Variants in LRRC72 observed in about 807,000 individuals in gnomAD.
LRRC72 encodes the protein leucine-rich repeat-containing protein 72.
Under a neutral mutation model 35.8 loss-of-function variants are expected in LRRC72, and 41 were observed. The ratio of observed to expected loss-of-function variants is 1.15; its 90% CI spans 0.89 to 1.49. The LOEUF is 1.49. Ranked by LOEUF, LRRC72 falls within the 40% of genes most tolerant of loss-of-function variation. The pLI is 0.00. For missense variants in LRRC72, 389 were observed against 330.7 expected, an observed-to-expected ratio of 1.18 and a Z score of -1.37; for synonymous variants, 118 against 119.2, an observed-to-expected ratio of 0.99 and a Z score of 0.07.
intron 1 of LRRC72, among the ~76,000 whole-genome samples, chr7:16,531,183 A>ATC (rs1257764983): frequency 1.8e-4 from 27 of 151,050 alleles, no homozygotes; most frequent in African/African-American, 4.1e-4. Flanking sequence ...ACTCTCTCAA[A>ATC]AAAAAAAAAA....
At chr7:16,550,934 C>T (rs539476588) in intron 3 of LRRC72, among the ~76,000 whole-genome samples, 2 of 152,140 alleles carry the variant, frequency 1.3e-5, no homozygotes, top group African/African-American at 2.4e-5. Context: ...TTCAATTCCC[C>T]GGAGTTTATA....
chr7:16,567,424 C>A lies in LRRC72; in HGVS notation c.551C>A (p.Thr184Asn). The A allele has an allele frequency of 1.3e-6, 2 of 1,507,936 alleles. No homozygotes were observed. The highest frequency in any genetic ancestry group is 1.3e-5 in the South Asian group (1 of 76,536). 93.4% of individuals were successfully genotyped at this position (1,507,936 alleles called of 1,614,324 possible). The change falls in exon 7 of 9, where the codon ACC becomes AAC. Residue 184 changes from threonine (T) to asparagine (N), a missense_variant. Transcript: ENST00000401542. ...VTEKERRSMI[T>N]IFNHKKAHIV... ...GAAAAAGAAAGAAGATCAATGATTACCATTTTTAACCATAAAAAGGCTCAT... is the reference window on the plus strand; with the variant it reads ...GAAAAAGAAAGAAGATCAATGATTAACATTTTTAACCATAAAAAGGCTCAT...
intron 3 of LRRC72, among the ~76,000 whole-genome samples, chr7:16,547,253 C>T (rs991375566): frequency 1.3e-5 from 2 of 152,172 alleles, no homozygotes; most frequent in African/African-American, 4.8e-5. Context: ...GGAGCTGCTG[C>T]AATGGGGCCA....
At chr7:16,580,220 T>C (rs146880533) in intron 8 of LRRC72, 119 bp downstream of exon 8, 6 of 187,234 alleles carry the variant, frequency 3.2e-5, no homozygotes, top group Middle Eastern at 5.3e-3. Context: ...CACTCTTCAA[T>C]AGATGAGAAA....
chr7:16,549,942 G>C (rs1445733614), intron 3 of LRRC72, among the ~76,000 whole-genome samples: 1 of 152,234 alleles, frequency 6.6e-6, no homozygotes, highest in Non-Finnish European at 1.5e-5. Flanking sequence ...GATGTTTTCA[G>C]GTGAGGTGGC....
chr7:16,560,781 G>A (rs1251880973), intron 5 of LRRC72, among the ~76,000 whole-genome samples: 1 of 151,530 alleles, frequency 6.6e-6, no homozygotes, highest in African/African-American at 2.4e-5. Context: ...TTGTTTTATT[G>A]TGGATTATGT....
At chr7:16,541,570 G>A (rs915015602) in intron 3 of LRRC72, among the ~76,000 whole-genome samples, 1 of 152,132 alleles carries the variant, frequency 6.6e-6, no homozygotes, top group African/African-American at 2.4e-5. Context: ...AGCTGGAATG[G>A]AAAGTGCACA....
chr7:16,562,553 G>C (rs1782761171), intron 5 of LRRC72, among the ~76,000 whole-genome samples: 1 of 152,194 alleles, frequency 6.6e-6, no homozygotes, highest in South Asian at 2.1e-4. Flanking sequence ...TCAGCCTTGG[G>C]AACAGGGAGT....
chr7:16,532,420 T>C, intron 1 of LRRC72, 75 bp from the exon 2 acceptor site: 1 of 976,084 alleles, frequency 1.0e-6, no homozygotes, highest in South Asian at 1.4e-5. Flanking sequence ...GTAGACGTTA[T>C]TGTTACTGAC....
chr7:16,565,048 C>G (rs1782805259), intron 5 of LRRC72, among the ~76,000 whole-genome samples: 1 of 152,136 alleles, frequency 6.6e-6, no homozygotes, highest in African/African-American at 2.4e-5. Context: ...TGTGCGGTAG[C>G]TGGAGCTCTT....
intron 3 of LRRC72, among the ~76,000 whole-genome samples, chr7:16,554,507 C>G (rs1383359949): frequency 6.6e-6 from 1 of 152,202 alleles, no homozygotes. Flanking sequence ...AACCTTTACT[C>G]TACTTTGGGC....
At chr7:16,532,964 A>G in intron 2 of LRRC72, 1 of 238,286 alleles carries the variant, frequency 4.2e-6, no homozygotes, top group Non-Finnish European at 8.4e-6. Flanking sequence ...TGGAAAATTC[A>G]CTGTTTCCGT....
rs143725217 is a variant in LRRC72 at position 16,542,559 on chromosome 7, C to T, written c.234+4863C>T. On this transcript the variant is annotated intron_variant, in intron 3 of 8. Transcript: ENST00000401542. Reference sequence around the variant, plus strand: ...GAGGAGACATCGATCAATTTTCCACCTGTGACCTGAAGGAGGCTTCCAGGT... The same window carrying T: ...GAGGAGACATCGATCAATTTTCCACTTGTGACCTGAAGGAGGCTTCCAGGT... Among the ~76,000 whole-genome samples the T allele has an allele frequency of 5.3e-3, 807 of 152,296 alleles. 14 individuals are homozygous for T. The highest frequency in any genetic ancestry group is 0.041 in the Middle Eastern group (12 of 294).
At chr7:16,546,742 T>G (rs1034957674) in intron 3 of LRRC72, among the ~76,000 whole-genome samples, 1 of 152,148 alleles carries the variant, frequency 6.6e-6, no homozygotes. Context: ...GCACTGGACC[T>G]GTGCACTGGC....
At position 16,532,525 on chromosome 7, in the gene LRRC72, C is replaced by T; in HGVS notation, c.121C>T (p.His41Tyr). The change falls in exon 2 of 9, where the codon CAC becomes TAC. Residue 41 changes from histidine (H) to tyrosine (Y), a missense_variant. Coordinates refer to ENST00000401542, the MANE Select transcript of LRRC72 (RefSeq NM_001195280.2). ...AVEDQLKICGHRRDADVFELF... is the reference protein window; with the variant it reads ...AVEDQLKICGYRRDADVFELF... ...TGAAGATCAGCTAAAGATATGTGGC[C>T]ACAGGAGGGATGCTGATGTCTTTGA... is the stretch of plus-strand genomic sequence containing the variant. 2 of 1,550,046 alleles carry T rather than the reference C, an allele frequency of 1.3e-6. No individual in the cohort carries two copies. The highest frequency in any genetic ancestry group is 1.7e-6 in the Non-Finnish European group (2 of 1,146,480).
intron 3 of LRRC72, among the ~76,000 whole-genome samples, chr7:16,549,292 CAGA>C (rs1390825861): frequency 1.3e-5 from 2 of 152,156 alleles, no homozygotes; most frequent in Admixed American, 1.3e-4. Context: ...ATTTCCATGA[CAGA>C]AGCATGCTTT....
intron 2 of LRRC72, among the ~76,000 whole-genome samples, chr7:16,535,949 T>C (rs2128334808): frequency 6.6e-6 from 1 of 152,346 alleles, no homozygotes; most frequent in African/African-American, 2.4e-5. Context: ...CTCGGCTCAC[T>C]GCAACCTCTG....
intron 6 of LRRC72, among the ~76,000 whole-genome samples, chr7:16,566,973 A>G (rs970811160): frequency 6.6e-6 from 1 of 152,090 alleles, no homozygotes; most frequent in Non-Finnish European, 1.5e-5. Context: ...TATATTATCT[A>G]TCTACTTACC....
chr7:16,556,004 T>C (rs544876642), intron 3 of LRRC72, among the ~76,000 whole-genome samples: 1 of 151,900 alleles, frequency 6.6e-6, no homozygotes, highest in East Asian at 1.9e-4. Flanking sequence ...TCTATGGCTC[T>C]ACCATGTCTC....
Sources: allele counts gnomAD v4.1 joint callset (sites outside exome capture counted in the v4.1 genomes callset), GRCh38; gene constraint gnomAD v4.1.1; transcripts MANE v1.5; gene names NCBI Gene and HGNC (gene_info 2026-07-23, HGNC 2026-07-21).